Variants in ZSWIM9 observed in about 807,000 individuals in gnomAD.
The protein encoded by ZSWIM9 is zinc finger SWIM-type containing 9, also known as uncharacterized protein ZSWIM9.
ZSWIM9 carries 11 observed loss-of-function variants against 25.0 expected under a neutral mutation model. The observed-to-expected ratio is 0.44, with a 90% CI of 0.28 to 0.73. ZSWIM9 has a LOEUF of 0.73. Ranked by LOEUF, ZSWIM9 falls within the 30% of genes least tolerant of loss-of-function variation. The pLI is 0.16. For missense variants in ZSWIM9, 1,070 were observed against 1,296.5 expected (o/e 0.83, Z 2.68); for synonymous variants, 562 against 582.1 (o/e 0.97, Z 0.50).
intron 2 of ZSWIM9, among the ~76,000 whole-genome samples, chr19:48,179,462 C>T (rs1426075438): frequency 6.6e-6 from 1 of 152,212 alleles, no homozygotes; most frequent in Non-Finnish European, 1.5e-5. Flanking sequence ...GTGCTAGCCA[C>T]TGCACCCGGC....
chr19:48,175,242 AGGGGG>A (rs2036880441), intron 2 of ZSWIM9, among the ~76,000 whole-genome samples: 2 of 152,150 alleles, frequency 1.3e-5, no homozygotes, highest in South Asian at 4.1e-4. Context: ...AGGACTATGG[AGGGGG>A]CGAGGACAGG....
intron 2 of ZSWIM9, chr19:48,180,959 A>T (rs11083919): frequency 0.49 from 71,967 of 147,640 alleles, 17,590 homozygotes; most frequent in East Asian, 0.68. Flanking sequence ...ATATATATAT[A>T]TTTTTTTAGT....
chr19:48,171,797 C>A lies in ZSWIM9; in HGVS notation c.-6C>A, dbSNP rs2036820066. On this transcript the variant is annotated 5_prime_UTR_variant, in exon 2 of 4. Coordinates refer to ENST00000614654, the MANE Select transcript of ZSWIM9 (RefSeq NM_199341.4). Reference sequence around the variant, plus strand: ...TGTTCTCCCCTCCTCCACGCAGGCCCCCAGGATGGAGCGGCCGGAGCCCCC... The same window carrying A: ...TGTTCTCCCCTCCTCCACGCAGGCCACCAGGATGGAGCGGCCGGAGCCCCC... The A allele has an allele frequency of 2.0e-6, 3 of 1,530,838 alleles. No homozygotes were observed. Among genetic ancestry groups the A allele is most frequent in the Non-Finnish European group, 2.6e-6 (3 of 1,144,718 alleles). The allele number at this position is 1,530,838 out of a possible 1,614,324, so 94.8% of individuals were successfully genotyped here.
In ZSWIM9 at chr19:48,195,410, G is replaced by A; in HGVS notation, c.1346G>A (p.Gly449Asp). ...AGEAVPEGPD[G>D]GGPWLEDEPG... ...GAGGCGGTGCCCGAGGGGCCCGATG[G>A]CGGGGGGCCTTGGCTGGAGGATGAG... The change falls in exon 4 of 4, where the codon GGC (glycine) becomes GAC (aspartate). Residue 449 changes from glycine (G) to aspartate (D), a missense_variant. Transcript: ENST00000614654. This position sits in a 1 kb window ranked among gnomAD's most constrained non-coding sequence, Gnocchi z 5.8. 5 of 1,463,486 alleles carry A rather than the reference G, an allele frequency of 3.4e-6. No individual in the cohort carries two copies. Among genetic ancestry groups the A allele is most frequent in the Non-Finnish European group, 4.5e-6 (5 of 1,117,250 alleles). The allele number at this position is 1,463,486 out of a possible 1,614,324, so 90.7% of individuals were successfully genotyped here. A position where few individuals can be genotyped will look rare whatever the true frequency, so the allele number is the denominator to read the frequency against.
chr19:48,180,080 G>A (rs183243546), intron 2 of ZSWIM9, among the ~76,000 whole-genome samples: 3 of 151,734 alleles, frequency 2.0e-5, no homozygotes, highest in Admixed American at 6.6e-5. Flanking sequence ...GCAGTGGTGC[G>A]ATCTCGGCTC....
In ZSWIM9 at chr19:48,179,948, C is replaced by CT. The variant is rs201554975; in HGVS notation, c.276-2506dup. 5.1e-3 allele frequency among the ~76,000 whole-genome samples: 775 copies of CT among 152,332 alleles called. 12 individuals are homozygous for CT. Among genetic ancestry groups the CT allele is most frequent in the African/African-American group, 0.018 (738 of 41,578 alleles). ...GTGTTCTGGAGGCTCTAAGGAGAAT[C>CT]TGCTTCCTTATCCTTCCAGCTTCTA... On this transcript the variant is annotated intron_variant, in intron 2 of 3. Transcript: ENST00000614654.
At chr19:48,187,680 G>A (rs978929951) in intron 3 of ZSWIM9, 1 of 134,988 alleles carries the variant, frequency 7.4e-6, no homozygotes, top group Non-Finnish European at 1.5e-5. Context: ...GCTCACACCT[G>A]TAATCTCAGC....
rs1170033756 is a variant in ZSWIM9, at chr19:48,194,201, C to T, written c.589-452C>T. Among the ~76,000 whole-genome samples, 4 of 152,196 alleles carry T rather than the reference C, an allele frequency of 2.6e-5. No homozygotes were observed. Among genetic ancestry groups the T allele is most frequent in the South Asian group, 4.1e-4 (2 of 4,824 alleles). ...CTTGTCAAACTAGATTGCTGGGGCC[C>T]GCCCCCAGAGTTTCAGACTCAGTGG... On this transcript the variant is annotated intron_variant, in intron 3 of 3. Transcript: ENST00000614654. This position sits in a 1 kb window ranked among gnomAD's most constrained non-coding sequence, Gnocchi z 6.0.
chr19:48,195,264 G>C lies in ZSWIM9; in HGVS notation c.1200G>C (p.Leu400=), dbSNP rs747569200. The C allele has an allele frequency of 6.5e-7, 1 of 1,530,020 alleles. No homozygotes were observed. Among genetic ancestry groups the C allele is most frequent in the South Asian group, 1.2e-5 (1 of 83,928 alleles). The allele number at this position is 1,530,020 out of a possible 1,614,324, so 94.8% of individuals were successfully genotyped here. ...RFRAFEAARD[L]DACALVRGHR... is the part of the protein sequence containing the mutation. ...GCGCCTTCGAGGCGGCCAGAGACCTGGACGCGTGTGCCCTGGTGCGAGGCC... is the reference window on the plus strand; with the variant it reads ...GCGCCTTCGAGGCGGCCAGAGACCTCGACGCGTGTGCCCTGGTGCGAGGCC... The change falls in exon 4 of 4, where the codon CTG becomes CTC. Residue 400 remains leucine (L), a synonymous_variant. Coordinates refer to ENST00000614654, the MANE Select transcript of ZSWIM9 (RefSeq NM_199341.4). The surrounding 1 kb of genome is among the most constrained non-coding windows in gnomAD (Gnocchi z 5.8).
intron 3 of ZSWIM9, among the ~76,000 whole-genome samples, chr19:48,183,407 G>A (rs972855408): frequency 3.3e-5 from 5 of 151,936 alleles, no homozygotes; most frequent in South Asian, 2.1e-4. Context: ...GATTACAGGC[G>A]AGAGCCACCA....
rs867764234 is a variant in ZSWIM9, at chr19:48,195,372, C to G, written c.1308C>G (p.Ala436=). Residue 436 remains alanine (A), a synonymous_variant, in exon 4 of 4, where the codon GCC becomes GCG. Transcript: ENST00000614654. This position sits in a 1 kb window ranked among gnomAD's most constrained non-coding sequence, Gnocchi z 5.8. ...CLRDLVAMQW[A]DAAGEAVPEG... Reference sequence around the variant, plus strand: ...GCGACCTGGTGGCCATGCAGTGGGCCGACGCGGCCGGGGAGGCGGTGCCCG... The same window carrying G: ...GCGACCTGGTGGCCATGCAGTGGGCGGACGCGGCCGGGGAGGCGGTGCCCG... The G allele has an allele frequency of 4.6e-6, 7 of 1,508,684 alleles. No individual in the cohort carries two copies. Among genetic ancestry groups the G allele is most frequent in the Middle Eastern group, 2.1e-4 (1 of 4,836 alleles). 93.5% of individuals were successfully genotyped at this position (1,508,684 alleles called of 1,614,324 possible). A position where few individuals can be genotyped will look rare whatever the true frequency, so the allele number is the denominator to read the frequency against.
At chr19:48,188,552 GC>G (rs1466922075) in intron 3 of ZSWIM9, among the ~76,000 whole-genome samples, 1 of 152,016 alleles carries the variant, frequency 6.6e-6, no homozygotes, top group Non-Finnish European at 1.5e-5. Context: ...CACCTGCCCT[GC>G]CTGATGATGA....
chr19:48,190,547 G>C (rs564086810), intron 3 of ZSWIM9: 5 of 154,980 alleles, frequency 3.2e-5, no homozygotes, highest in Non-Finnish European at 2.9e-5. Flanking sequence ...CGATGCCGCA[G>C]CTCCCTCCCA....
intron 2 of ZSWIM9, among the ~76,000 whole-genome samples, chr19:48,172,942 A>C (rs2036855852): frequency 6.6e-6 from 1 of 152,210 alleles, no homozygotes; most frequent in African/African-American, 2.4e-5. Context: ...AGAGACAGCC[A>C]GGGAAACAGA....
intron 2 of ZSWIM9, chr19:48,180,793 G>C (rs985974610): frequency 2.1e-4 from 27 of 126,246 alleles, no homozygotes; most frequent in Non-Finnish European, 2.9e-4. Flanking sequence ...GTCTCGCTCT[G>C]TCACCCCAGG....
chr19:48,183,285 G>A (rs559173240), intron 3 of ZSWIM9, among the ~76,000 whole-genome samples: 65 of 152,010 alleles, frequency 4.3e-4, no homozygotes, highest in African/African-American at 1.5e-3. Context: ...GTGCCACCAC[G>A]CCGGCTAATT....
At chr19:48,183,838 G>A (rs1282252979) in intron 3 of ZSWIM9, among the ~76,000 whole-genome samples, 1 of 150,870 alleles carries the variant, frequency 6.6e-6, no homozygotes, top group Non-Finnish European at 1.5e-5. Flanking sequence ...TGGCGGGGGG[G>A]GGTCTCCCTA....
At chr19:48,173,632 CTTTATTTTAT>C (rs757465058) in intron 2 of ZSWIM9, among the ~76,000 whole-genome samples, 1 of 151,814 alleles carries the variant, frequency 6.6e-6, no homozygotes, top group Admixed American at 6.6e-5. Flanking sequence ...TTTTATTTTA[CTTTATTTTAT>C]TTTATTTTAT....
At chr19:48,177,727 C>G (rs10407902) in intron 2 of ZSWIM9, among the ~76,000 whole-genome samples, 24,628 of 152,110 alleles carry the variant, frequency 0.16, 2,320 homozygotes, top group African/African-American at 0.27. Context: ...CAAAAGCCCA[C>G]GAATTATTCT....
Sources: allele counts gnomAD v4.1 joint callset (sites outside exome capture counted in the v4.1 genomes callset), GRCh38; gene constraint gnomAD v4.1.1; non-coding constraint Gnocchi (gnomAD v3.1); transcripts MANE v1.5; gene names NCBI Gene and HGNC (gene_info 2026-07-23, HGNC 2026-07-21).